Variants in NFIL3 observed in about 807,000 individuals in gnomAD.
NFIL3 encodes nuclear factor interleukin-3-regulated protein.
Under a neutral mutation model 10.0 loss-of-function variants are expected in NFIL3, and 5 were observed. The ratio of observed to expected loss-of-function variants is 0.50; its 90% CI spans 0.26 to 1.06. The LOEUF (loss-of-function observed/expected upper bound fraction) is 1.06. Among genes scored for constraint, NFIL3 ranks in the 50% least tolerant of loss-of-function variants. The pLI is 0.13. For missense variants in NFIL3, 436 were observed against 547.6 expected (o/e 0.80, Z 2.03); for synonymous variants, 202 against 206.5 (o/e 0.98, Z 0.19).
At chr9:91,460,050 T>TA in the NFIL3 span, among the ~76,000 whole-genome samples, 1 of 150,856 alleles carries the variant, frequency 6.6e-6, no homozygotes, top group East Asian at 2.0e-4. Flanking sequence ...GTTAGAAAAA[T>TA]AATGTCTGAG....
At chr9:91,440,111 T>C in the NFIL3 span, among the ~76,000 whole-genome samples, 1 of 152,152 alleles carries the variant, frequency 6.6e-6, no homozygotes, top group Non-Finnish European at 1.5e-5. Context: ...CTTTGAATGT[T>C]TGGTAGAATT....
At chr9:91,448,898 T>A in the NFIL3 span, among the ~76,000 whole-genome samples, 1 of 152,214 alleles carries the variant, frequency 6.6e-6, no homozygotes, top group East Asian at 1.9e-4. Flanking sequence ...TGGTCCTAAT[T>A]TCTTTCAGCA....
At chr9:91,424,565 G>C (rs1833846879), upstream of NFIL3, among the ~76,000 whole-genome samples, 2 of 152,196 alleles carry the variant, frequency 1.3e-5, no homozygotes, top group African/African-American at 4.8e-5. Flanking sequence ...TCTCCCGAGA[G>C]CCGCGACGGC....
chr9:91,409,054 T>A lies in NFIL3; in HGVS notation c.*292A>T. The A allele has an allele frequency of 3.7e-6, 1 of 270,378 alleles. No individual in the cohort carries two copies. The highest frequency in any genetic ancestry group is 6.9e-6 in the Non-Finnish European group (1 of 145,402). The allele number at this position is 270,378 out of a possible 1,614,324, so 16.7% of individuals were successfully genotyped here. Reference sequence around the variant, plus strand: ...TGCAATGGAGCAGGAGTTCTGTGTTTGTCACCAATCCTTTATTGAAACTGG... The same window carrying A: ...TGCAATGGAGCAGGAGTTCTGTGTTAGTCACCAATCCTTTATTGAAACTGG... On this transcript the variant is annotated 3_prime_UTR_variant, in exon 2 of 2. Coordinates refer to ENST00000297689, the MANE Select transcript of NFIL3 (RefSeq NM_005384.3).
At chr9:91,426,594 C>T (rs947399676), upstream of NFIL3, among the ~76,000 whole-genome samples, 1 of 151,994 alleles carries the variant, frequency 6.6e-6, no homozygotes, top group Admixed American at 6.6e-5. Flanking sequence ...GGATTGAGGG[C>T]AGGGGCAAGG....
the NFIL3 span, among the ~76,000 whole-genome samples, chr9:91,469,453 A>G: frequency 6.6e-6 from 1 of 152,176 alleles, no homozygotes; most frequent in African/African-American, 2.4e-5. Flanking sequence ...GGCTTTCTAA[A>G]TATACAATCA....
At chr9:91,467,076 C>G in the NFIL3 span, among the ~76,000 whole-genome samples, 15 of 152,178 alleles carry the variant, frequency 9.9e-5, no homozygotes, top group African/African-American at 3.6e-4. Context: ...AGTCTCCAGC[C>G]TGCCAATTCT....
chr9:91,471,402 T>C, the NFIL3 span, among the ~76,000 whole-genome samples: 2,022 of 152,006 alleles, frequency 0.013, 41 homozygotes, highest in African/African-American at 0.043. Flanking sequence ...TTTGAGCCTA[T>C]GTGTGTCTCT....
the NFIL3 span, among the ~76,000 whole-genome samples, chr9:91,479,638 T>C: frequency 2.6e-5 from 4 of 152,184 alleles, no homozygotes; most frequent in Non-Finnish European, 5.9e-5. Flanking sequence ...TTCAGCCCCC[T>C]TTCCAGGGGA....
At chr9:91,442,696 T>C in the NFIL3 span, among the ~76,000 whole-genome samples, 1 of 152,160 alleles carries the variant, frequency 6.6e-6, no homozygotes, top group African/African-American at 2.4e-5. Flanking sequence ...ATGTACCACA[T>C]GTGGCTTCTG....
chr9:91,459,013 G>A, the NFIL3 span, among the ~76,000 whole-genome samples: 9 of 152,168 alleles, frequency 5.9e-5, no homozygotes, highest in Non-Finnish European at 8.8e-5. Flanking sequence ...CATAAGGTGC[G>A]AAAAACTGGT....
At chr9:91,417,218 TTA>T (rs1837349584) in intron 1 of NFIL3, among the ~76,000 whole-genome samples, 1 of 151,792 alleles carries the variant, frequency 6.6e-6, no homozygotes, top group Non-Finnish European at 1.5e-5. Flanking sequence ...CATTATAGAA[TTA>T]TCTTATTTTC....
the NFIL3 span, among the ~76,000 whole-genome samples, chr9:91,445,129 T>C: frequency 6.6e-6 from 1 of 152,172 alleles, no homozygotes; most frequent in African/African-American, 2.4e-5. Flanking sequence ...ACTGTGGTCC[T>C]GGTGGTCAGG....
chr9:91,412,362 G>A (rs1423342575), intron 1 of NFIL3, among the ~76,000 whole-genome samples: 3 of 152,062 alleles, frequency 2.0e-5, no homozygotes, highest in African/African-American at 4.8e-5. Context: ...GCCTTAGCTC[G>A]AGATAATAAA....
At chr9:91,451,794 C>T in the NFIL3 span, among the ~76,000 whole-genome samples, 1 of 152,150 alleles carries the variant, frequency 6.6e-6, no homozygotes, top group East Asian at 1.9e-4. Context: ...TCAGGGAAAA[C>T]AGGATATCCA....
At chr9:91,464,280 C>T in the NFIL3 span, among the ~76,000 whole-genome samples, 11 of 151,900 alleles carry the variant, frequency 7.2e-5, no homozygotes, top group Non-Finnish European at 5.9e-5. Flanking sequence ...TCCATTTTCT[C>T]TCCTATCTTG....
At chr9:91,448,002 A>G in the NFIL3 span, among the ~76,000 whole-genome samples, 1 of 152,136 alleles carries the variant, frequency 6.6e-6, no homozygotes, top group South Asian at 2.1e-4. Context: ...TTATGAGTTA[A>G]TTTTTGTATA....
chr9:91,418,484 A>G (rs1400008828), intron 1 of NFIL3, among the ~76,000 whole-genome samples: 1 of 152,236 alleles, frequency 6.6e-6, no homozygotes, highest in African/African-American at 2.4e-5. Context: ...GAAAGTTTCT[A>G]ATGATAATGT....
the NFIL3 span, among the ~76,000 whole-genome samples, chr9:91,473,631 G>A: frequency 6.6e-6 from 1 of 152,220 alleles, no homozygotes; most frequent in Admixed American, 6.5e-5. Flanking sequence ...CCCTTGGCTA[G>A]GAAAGGGAAT....
Sources: gnomAD v4.1 joint callset for allele counts (sites outside exome capture counted in the v4.1 genomes callset) on GRCh38, gnomAD v4.1.1 for gene constraint, MANE v1.5 for transcripts, NCBI Gene and HGNC (gene_info 2026-07-23, HGNC 2026-07-21) for gene names.